The following ERBB4 variants were observed in gnomAD, a reference collection of about 807,000 sequenced individuals.
ERBB4 encodes the protein erb-b2 receptor tyrosine kinase 4.
A neutral mutation model predicts 158.0 loss-of-function variants in ERBB4; 42 were observed. That is an observed-to-expected ratio of 0.27 (90% CI 0.21 to 0.34). The LOEUF (loss-of-function observed/expected upper bound fraction) is 0.34, where lower values mean the gene tolerates loss of function less well. ERBB4 is among the 10% of genes least tolerant of loss of function. The probability of loss-of-function intolerance (pLI) is 1.00; values close to 1 mark genes in which losing one functional copy is unlikely to be tolerated. For missense variants in ERBB4, 1,333 were observed against 1,624.1 expected (o/e 0.82, Z 3.08); for synonymous variants, 583 against 558.7 (o/e 1.04, Z -0.61).
chr2:212,075,068 T>C (rs1367361361), intron 2 of ERBB4, among the ~76,000 whole-genome samples: 1 of 150,292 alleles, frequency 6.7e-6, no homozygotes, highest in Non-Finnish European at 1.5e-5. Flanking sequence ...TGATAACACA[T>C]CTATTCTCTT....
intron 1 of ERBB4, among the ~76,000 whole-genome samples, chr2:212,167,227 A>C (rs1490781760): frequency 6.6e-6 from 1 of 152,206 alleles, no homozygotes; most frequent in African/African-American, 2.4e-5. Context: ...ATTTACAAGG[A>C]ACTTAAACAA....
At chr2:212,234,872 T>G (rs1000185759) in intron 1 of ERBB4, among the ~76,000 whole-genome samples, 6 of 152,198 alleles carry the variant, frequency 3.9e-5, no homozygotes, top group Non-Finnish European at 8.8e-5. Context: ...TTCTGGATAT[T>G]AGCCCTTTGT....
chr2:212,166,929 AC>A (rs2081363701), intron 1 of ERBB4, among the ~76,000 whole-genome samples: 1 of 152,186 alleles, frequency 6.6e-6, no homozygotes, highest in African/African-American at 2.4e-5. Flanking sequence ...TACACCTTAT[AC>A]AAAAATTAAC....
In ERBB4 at chr2:211,399,813, C is replaced by T. The variant is rs1276463588; in HGVS notation, c.3136-11821G>A. On this transcript the variant is annotated intron_variant, in intron 25 of 27. Transcript: ENST00000342788. ...TAGAGAACCAGGGTTTAGCTGTATC[C>T]CTGAAAAATACAACTTGTTAACTAA... Among the ~76,000 whole-genome samples, 18 of 151,904 alleles carry T rather than the reference C, an allele frequency of 1.2e-4. No homozygotes were observed. In the South Asian group the frequency reaches 1.2e-3, roughly 11 times the overall value.
intron 19 of ERBB4, among the ~76,000 whole-genome samples, chr2:211,563,821 T>C (rs1298649759): frequency 6.6e-6 from 1 of 152,172 alleles, no homozygotes; most frequent in Admixed American, 6.5e-5. Flanking sequence ...GATGTGTCTA[T>C]ACATATATAT....
chr2:212,361,330 T>C (rs141623001), intron 1 of ERBB4, among the ~76,000 whole-genome samples: 58 of 151,744 alleles, frequency 3.8e-4, no homozygotes, highest in African/African-American at 1.3e-3. Flanking sequence ...TCAAATAGCC[T>C]AGGTAAATAT....
intron 2 of ERBB4, among the ~76,000 whole-genome samples, chr2:212,003,404 A>T (rs113902781): frequency 3.3e-5 from 5 of 151,848 alleles, no homozygotes; most frequent in African/African-American, 1.2e-4. Flanking sequence ...ACTCAATATG[A>T]TGGAGCAAGT....
chr2:212,524,684 C>CG (rs1385268494), intron 1 of ERBB4, among the ~76,000 whole-genome samples: 10 of 145,702 alleles, frequency 6.9e-5, no homozygotes, highest in African/African-American at 2.6e-4. Flanking sequence ...GTGTTTAAGT[C>CG]ATTTTTTTTA....
At position 212,259,644 on chromosome 2, in the gene ERBB4, C is replaced by T. The variant is rs116761872; in HGVS notation, c.83-134741G>A. Among the ~76,000 whole-genome samples the T allele has an allele frequency of 6.4e-3, 980 of 152,070 alleles. 15 individuals carry two copies. The highest frequency in any genetic ancestry group is 0.023 in the African/African-American group (937 of 41,478). ...AAAAATCACACAAAAATAAAGGCAACGAATATTCCAGGATTTTTAATGTAA... is the reference window on the plus strand; with the variant it reads ...AAAAATCACACAAAAATAAAGGCAATGAATATTCCAGGATTTTTAATGTAA... On this transcript the variant is annotated intron_variant, in intron 1 of 27. Coordinates refer to ENST00000342788, the MANE Select transcript of ERBB4 (RefSeq NM_005235.3).
chr2:212,432,135 T>C (rs2092044242), intron 1 of ERBB4, among the ~76,000 whole-genome samples: 1 of 152,194 alleles, frequency 6.6e-6, no homozygotes, highest in Admixed American at 6.6e-5. Context: ...CTTTGGTCTA[T>C]CTCTGTTGCT....
intron 25 of ERBB4, among the ~76,000 whole-genome samples, chr2:211,390,228 G>A (rs2062773049): frequency 6.6e-6 from 1 of 152,122 alleles, no homozygotes; most frequent in South Asian, 2.1e-4. Context: ...GAAAGCACAG[G>A]CACTGTGGTA....
intron 2 of ERBB4, among the ~76,000 whole-genome samples, chr2:211,989,558 G>C (rs908503414): frequency 6.6e-6 from 1 of 150,826 alleles, no homozygotes; most frequent in African/African-American, 2.4e-5. Context: ...CCTTTTTCTT[G>C]TCCCCTTTTT....
At chr2:211,768,220 G>A (rs1446153450) in intron 4 of ERBB4, among the ~76,000 whole-genome samples, 5 of 152,184 alleles carry the variant, frequency 3.3e-5, no homozygotes, top group African/African-American at 9.7e-5. Context: ...CAAGAGGTGG[G>A]CTCTGAAGGC....
intron 1 of ERBB4, among the ~76,000 whole-genome samples, chr2:212,295,722 T>A (rs187663793): frequency 1.3e-5 from 2 of 152,062 alleles, no homozygotes; most frequent in South Asian, 4.1e-4. Context: ...CAATAATATA[T>A]GTAAAGTAAC....
At chr2:211,441,760 GGGA>G (rs2063983384) in intron 20 of ERBB4, among the ~76,000 whole-genome samples, 3 of 152,040 alleles carry the variant, frequency 2.0e-5, no homozygotes, top group South Asian at 4.1e-4. Flanking sequence ...CACAGCCCTA[GGGA>G]GGAGTTCTAC....
intron 16 of ERBB4, among the ~76,000 whole-genome samples, chr2:211,633,469 T>C (rs1407525426): frequency 7.2e-6 from 1 of 139,810 alleles, no homozygotes; most frequent in Non-Finnish European, 1.5e-5. Context: ...TTTTTACTAA[T>C]TTGTATTTTC....
chr2:212,523,946 T>C (rs1340899568), intron 1 of ERBB4, among the ~76,000 whole-genome samples: 1 of 151,976 alleles, frequency 6.6e-6, no homozygotes, highest in Non-Finnish European at 1.5e-5. Flanking sequence ...TGAAATCTGA[T>C]GCCTTACAAT....
At chr2:212,084,937 T>A (rs748790020) in intron 2 of ERBB4, among the ~76,000 whole-genome samples, 13 of 152,000 alleles carry the variant, frequency 8.6e-5, no homozygotes, top group Non-Finnish European at 1.8e-4. Flanking sequence ...ATTGACCAAT[T>A]ACATGACTTA....
intron 3 of ERBB4, among the ~76,000 whole-genome samples, chr2:211,826,392 T>C (rs2077099774): frequency 6.6e-6 from 1 of 151,910 alleles, no homozygotes; most frequent in Admixed American, 6.6e-5. Context: ...TCAAAAAATT[T>C]GTTAAGTAAT....
Sources: gnomAD v4.1 joint callset for allele counts (sites outside exome capture counted in the v4.1 genomes callset) on GRCh38, gnomAD v4.1.1 for gene constraint, MANE v1.5 for transcripts, NCBI Gene and HGNC (gene_info 2026-07-23, HGNC 2026-07-21) for gene names.